The following ATP11B variants were observed in gnomAD, a reference collection of about 807,000 sequenced individuals.
ATP11B encodes ATPase phospholipid transporting 11B (putative).
ATP11B carries 81 observed loss-of-function variants against 157.8 expected under a neutral mutation model. The ratio of observed to expected loss-of-function variants is 0.51; its 90% CI spans 0.43 to 0.62. The LOEUF (loss-of-function observed/expected upper bound fraction) is 0.62. Ranked by LOEUF, ATP11B falls within the 20% of genes least tolerant of loss-of-function variation. The probability of loss-of-function intolerance (pLI) is 0.00; values close to 1 mark genes in which losing one functional copy is unlikely to be tolerated. For synonymous variants in ATP11B, 451 were observed against 469.4 expected, an observed-to-expected ratio of 0.96 and a Z score of 0.51; for missense variants, 1,165 against 1,402.2, an observed-to-expected ratio of 0.83 and a Z score of 2.70.
intron 1 of ATP11B, among the ~76,000 whole-genome samples, chr3:182,811,578 C>G (rs547078909): frequency 6.6e-6 from 1 of 152,242 alleles, no homozygotes; most frequent in East Asian, 1.9e-4. Flanking sequence ...TTTTTTGAGG[C>G]ATACACCTCT....
intron 21 of ATP11B, 77 bp from the exon 22 acceptor site, chr3:182,884,672 TATAA>T (rs1315975269): frequency 7.2e-6 from 10 of 1,380,666 alleles, no homozygotes; most frequent in Non-Finnish European, 8.9e-6. Context: ...GTTCAACTAT[TATAA>T]ATAATTAAGA....
intron 2 of ATP11B, among the ~76,000 whole-genome samples, chr3:182,823,080 T>A (rs1373399414): frequency 6.6e-6 from 1 of 152,252 alleles, no homozygotes; most frequent in Non-Finnish European, 1.5e-5. Flanking sequence ...TTCACTCTGA[T>A]GGCAGTTTCT....
intron 1 of ATP11B, among the ~76,000 whole-genome samples, chr3:182,800,485 C>T (rs958099405): frequency 4.6e-5 from 7 of 152,240 alleles, no homozygotes; most frequent in Non-Finnish European, 8.8e-5. Flanking sequence ...GTCTCAGCCT[C>T]CCAAAGTGCT....
intron 25 of ATP11B, among the ~76,000 whole-genome samples, chr3:182,891,921 T>A (rs900012395): frequency 1.3e-5 from 2 of 152,232 alleles, no homozygotes; most frequent in African/African-American, 4.8e-5. Context: ...ATAGGTTTGA[T>A]GTGAGGATTA....
intron 7 of ATP11B, among the ~76,000 whole-genome samples, chr3:182,839,259 A>G (rs1718806943): frequency 6.6e-6 from 1 of 152,172 alleles, no homozygotes; most frequent in Non-Finnish European, 1.5e-5. Context: ...AGGGAACAAC[A>G]CACACTGGGG....
intron 28 of ATP11B, among the ~76,000 whole-genome samples, chr3:182,901,191 A>C (rs1202018863): frequency 6.6e-6 from 1 of 151,252 alleles, no homozygotes; most frequent in African/African-American, 2.4e-5. Context: ...ATAATAAATA[A>C]AAATTTTTAA....
rs563930999 is a variant in ATP11B, at chr3:182,920,537, T to C, written c.*2433T>C. On this transcript the variant is annotated 3_prime_UTR_variant, in exon 30 of 30. Transcript: ENST00000323116. ...TCTTTGGAAAGTATGATGTTGATAA[T>C]TAACTTACCCTTATCTGCCAAAACC... The C allele has an allele frequency of 6.6e-6, 1 of 152,350 alleles. No homozygotes were observed. The highest frequency in any genetic ancestry group is 1.9e-4 in the East Asian group (1 of 5,186). The allele number at this position is 152,350 out of a possible 1,614,324, so 9.4% of individuals were successfully genotyped here.
At chr3:182,916,666 A>G (rs973706314) in intron 29 of ATP11B, 8 of 983,982 alleles carry the variant, frequency 8.1e-6, no homozygotes, top group Non-Finnish European at 9.7e-6. Flanking sequence ...TCAAGTGTTT[A>G]ATGTTCTGTC....
At chr3:182,877,786 G>A (rs1174159600) in intron 19 of ATP11B, among the ~76,000 whole-genome samples, 3 of 152,158 alleles carry the variant, frequency 2.0e-5, no homozygotes, top group African/African-American at 7.2e-5. Context: ...ATGCATGAGG[G>A]CTACAGAGAT....
At position 182,836,461 on chromosome 3, in the gene ATP11B, TAA is replaced by T; in HGVS notation, c.544_545del (p.Asn182ProfsTer85). The T allele has an allele frequency of 6.2e-7, 1 of 1,613,960 alleles. No individual in the cohort carries two copies. The highest frequency in any genetic ancestry group is 8.5e-7 in the Non-Finnish European group (1 of 1,179,850). ...VTTASLDGETNLKTHVAVPET... is the reference protein window; with the variant it reads ...VTTASLDGETXLKTHVAVPET... The stretch of plus-strand genomic sequence containing the variant: ...CAACTGCTAGTTTGGACGGAGAAAC[TAA>T]CCTGAAGGTTTGCTTGCATATGTTT... On this transcript the variant is annotated frameshift_variant, in exon 6 of 30. Transcript: ENST00000323116. LOFTEE classifies it high-confidence loss of function.
chr3:182,897,344 CG>C lies in ATP11B; in HGVS notation c.3091del (p.Val1031LeufsTer46), dbSNP rs1560122253. ...ATTTTTGGACTTGGATCAACCATCT[CG>C]TTACCTGGGGATCTATTATATTTTA... ...THFWTWINHL[V>X]TWGSIIFYFV... is the part of the protein sequence containing the mutation. On this transcript the variant is annotated frameshift_variant, in exon 27 of 30. Coordinates refer to ENST00000323116, the MANE Select transcript of ATP11B (RefSeq NM_014616.3). LOFTEE classifies it high-confidence loss of function. 6.3e-7 allele frequency: 1 copy of C among 1,587,902 alleles called. No individual in the cohort carries two copies. The highest frequency in any genetic ancestry group is 1.9e-5 in the Admixed American group (1 of 53,382).
intron 28 of ATP11B, among the ~76,000 whole-genome samples, chr3:182,909,111 A>G (rs1724586318): frequency 6.6e-6 from 1 of 152,260 alleles, no homozygotes; most frequent in Admixed American, 6.5e-5. Context: ...ACATTTTTCT[A>G]AAATTTATAA....
chr3:182,819,995 A>G (rs1717225578), intron 1 of ATP11B, among the ~76,000 whole-genome samples: 1 of 152,132 alleles, frequency 6.6e-6, no homozygotes, highest in African/African-American at 2.4e-5. Flanking sequence ...TACCTAGTTA[A>G]GTTTCTATCT....
Position 182,836,024 on chromosome 3 carries a change from G to A in ATP11B, c.316-11G>A. The A allele has an allele frequency of 1.3e-6, 2 of 1,578,780 alleles. No homozygotes were observed. The highest frequency in any genetic ancestry group is 1.7e-6 in the Non-Finnish European group (2 of 1,160,428). On this transcript the variant is annotated splice_polypyrimidine_tract_variant and intron_variant, in intron 4 of 29. Coordinates refer to ENST00000323116, the MANE Select transcript of ATP11B (RefSeq NM_014616.3). ...CTGAAAAATTATTTTTTACCCTTTG[G>A]ATATTTACAGGGATATGAAGATTGG... is the stretch of plus-strand genomic sequence containing the variant.
At chr3:182,851,548 T>A (rs1289261156) in intron 10 of ATP11B, among the ~76,000 whole-genome samples, 1 of 152,192 alleles carries the variant, frequency 6.6e-6, no homozygotes, top group Non-Finnish European at 1.5e-5. Flanking sequence ...AATGAACTGT[T>A]ACAAAGGTCT....
intron 9 of ATP11B, among the ~76,000 whole-genome samples, chr3:182,847,240 C>G (rs148771930): frequency 6.6e-6 from 1 of 151,834 alleles, no homozygotes; most frequent in Non-Finnish European, 1.5e-5. Context: ...TAGTAGACCA[C>G]GTTGGCCAGG....
At chr3:182,911,028 T>C (rs1724743962) in intron 28 of ATP11B, among the ~76,000 whole-genome samples, 1 of 152,222 alleles carries the variant, frequency 6.6e-6, no homozygotes, top group African/African-American at 2.4e-5. Flanking sequence ...TTCTAAGCTC[T>C]TATTCTCACA....
intron 1 of ATP11B, among the ~76,000 whole-genome samples, chr3:182,810,661 C>T (rs530784364): frequency 6.6e-6 from 1 of 152,196 alleles, no homozygotes; most frequent in Non-Finnish European, 1.5e-5. Context: ...GTTTTTTGTG[C>T]TGCTACTGTT....
At position 182,918,305 on chromosome 3, in the gene ATP11B, T is replaced by A; in HGVS notation, c.*201T>A. The A allele has an allele frequency of 1.6e-6, 1 of 620,548 alleles. No homozygotes were observed. Among genetic ancestry groups the A allele is most frequent in the Non-Finnish European group, 2.4e-6 (1 of 414,716 alleles). The allele number at this position is 620,548 out of a possible 1,614,324, so 38.4% of individuals were successfully genotyped here. On this transcript the variant is annotated 3_prime_UTR_variant, in exon 30 of 30. Transcript: ENST00000323116. ...AACACCCTTAATTTGAATCTGAACA[T>A]GTTAAAATTTGAGAATAAAGAGACA... is the stretch of plus-strand genomic sequence containing the variant.
Sources: allele counts gnomAD v4.1 joint callset (sites outside exome capture counted in the v4.1 genomes callset), GRCh38; gene constraint gnomAD v4.1.1; transcripts MANE v1.5; gene names NCBI Gene and HGNC (gene_info 2026-07-23, HGNC 2026-07-21).